Variants in RGS7BP observed in about 807,000 individuals in gnomAD.
RGS7BP encodes regulator of G protein signaling 7-binding protein.
Under a neutral mutation model 31.3 loss-of-function variants are expected in RGS7BP, and 9 were observed. The ratio of observed to expected loss-of-function variants is 0.29; its 90% confidence interval spans 0.17 to 0.50. RGS7BP has a LOEUF of 0.50. RGS7BP is among the 20% of genes least tolerant of loss of function. The pLI is 0.98. For missense variants in RGS7BP, 274 were observed against 322.0 expected, an observed-to-expected ratio of 0.85 and a Z score of 1.14; for synonymous variants, 115 against 120.1, an observed-to-expected ratio of 0.96 and a Z score of 0.28.
At chr5:64,525,489 G>A (rs1018012776) in intron 2 of RGS7BP, among the ~76,000 whole-genome samples, 6 of 152,188 alleles carry the variant, frequency 3.9e-5, no homozygotes, top group Non-Finnish European at 8.8e-5. Flanking sequence ...TTACTGAAAG[G>A]GTGGACCCCA....
At chr5:64,569,702 T>C (rs1742259774) in intron 2 of RGS7BP, among the ~76,000 whole-genome samples, 1 of 152,168 alleles carries the variant, frequency 6.6e-6, no homozygotes, top group Non-Finnish European at 1.5e-5. Flanking sequence ...ACTGAAGCTG[T>C]CACTGAGGTT....
At chr5:64,509,578 T>G (rs1748779074) in intron 2 of RGS7BP, among the ~76,000 whole-genome samples, 1 of 152,062 alleles carries the variant, frequency 6.6e-6, no homozygotes, top group African/African-American at 2.4e-5. Context: ...TTGAGAGGTA[T>G]TATAGCTATG....
chr5:64,605,149 T>C (rs1172975248), intron 5 of RGS7BP, among the ~76,000 whole-genome samples: 1 of 152,124 alleles, frequency 6.6e-6, no homozygotes, highest in Admixed American at 6.6e-5. Context: ...TGCTTCCCTT[T>C]CCACCTTTCA....
intron 2 of RGS7BP, among the ~76,000 whole-genome samples, chr5:64,541,983 TG>T (rs528582036): frequency 2.0e-3 from 307 of 152,352 alleles, no homozygotes; most frequent in Non-Finnish European, 2.1e-3. Context: ...TCTTATTTTT[TG>T]TTCTAGTATA....
chr5:64,550,438 C>T (rs938963302), intron 2 of RGS7BP, among the ~76,000 whole-genome samples: 1 of 152,142 alleles, frequency 6.6e-6, no homozygotes, highest in Non-Finnish European at 1.5e-5. Context: ...ACCCTTATGA[C>T]CTCATCTAAC....
intron 3 of RGS7BP, among the ~76,000 whole-genome samples, chr5:64,584,423 A>G (rs767883689): frequency 6.6e-6 from 1 of 152,234 alleles, no homozygotes; most frequent in Non-Finnish European, 1.5e-5. Context: ...CACGTGATCC[A>G]AAAGGCATAG....
Position 64,506,700 on chromosome 5 carries a change from C to T in RGS7BP, c.76C>T (p.Pro26Ser), listed in dbSNP as rs754877638. The T allele has an allele frequency of 1.8e-5, 29 of 1,613,240 alleles. 1 individual carries two copies. The South Asian group carries it at 2.1e-4, about 12-fold the overall frequency. The change falls in exon 1 of 6, where the codon CCC becomes TCC. Residue 26 changes from proline to serine, a missense_variant. Physicochemically the swap from Pro to Ser is moderately conservative, Grantham distance 74. Around this residue, in one of 3 missense-constraint regions of RGS7BP, gnomAD observed 149 missense variants for 152.6 expected, o/e 0.98. Transcript: ENST00000334025. The surrounding 1 kb of genome is among the most constrained non-coding windows in gnomAD (Gnocchi z 4.6). ...CTCCTCGATCTTCCAGATCAGCAAG[C>T]CCCCGCTGCAGAGCGGAGATTGGGA... ...TRSSIFQISKPPLQSGDWERR... is the reference protein window; with the variant it reads ...TRSSIFQISKSPLQSGDWERR...
intron 2 of RGS7BP, among the ~76,000 whole-genome samples, chr5:64,515,042 C>T (rs531511877): frequency 1.6e-4 from 24 of 152,250 alleles, no homozygotes; most frequent in Non-Finnish European, 2.2e-4. Flanking sequence ...AAAAATTCCC[C>T]GTCACTTTAT....
intron 5 of RGS7BP, among the ~76,000 whole-genome samples, chr5:64,604,209 A>G (rs761682530): frequency 1.6e-4 from 24 of 152,054 alleles, no homozygotes; most frequent in Non-Finnish European, 3.1e-4. Flanking sequence ...CTGAAGGCCT[A>G]TCCCCTGCCA....
At chr5:64,581,032 G>A (rs930877229) in intron 3 of RGS7BP, among the ~76,000 whole-genome samples, 1 of 151,998 alleles carries the variant, frequency 6.6e-6, no homozygotes, top group Non-Finnish European at 1.5e-5. Context: ...TGGGCAACAT[G>A]GTGAGACCCT....
At chr5:64,541,477 T>C (rs1459573420) in intron 2 of RGS7BP, among the ~76,000 whole-genome samples, 1 of 152,218 alleles carries the variant, frequency 6.6e-6, no homozygotes, top group Non-Finnish European at 1.5e-5. Context: ...TCACGTACCC[T>C]GCACAGCAGT....
At chr5:64,507,411 T>C (rs943159945) in intron 1 of RGS7BP, among the ~76,000 whole-genome samples, 5 of 152,148 alleles carry the variant, frequency 3.3e-5, no homozygotes, top group Non-Finnish European at 7.4e-5. Flanking sequence ...GGGAGTGGCA[T>C]GGTAGCGCTC....
chr5:64,591,462 A>G (rs1742914175), intron 3 of RGS7BP, among the ~76,000 whole-genome samples: 1 of 152,188 alleles, frequency 6.6e-6, no homozygotes, highest in Non-Finnish European at 1.5e-5. Flanking sequence ...GCAAAAATTA[A>G]TGTTGATAAT....
At chr5:64,586,500 C>T (rs190727648) in intron 3 of RGS7BP, among the ~76,000 whole-genome samples, 1 of 152,318 alleles carries the variant, frequency 6.6e-6, no homozygotes, top group African/African-American at 2.4e-5. Flanking sequence ...ACTTAGATAA[C>T]TTATGAAGGT....
intron 2 of RGS7BP, among the ~76,000 whole-genome samples, chr5:64,526,799 A>G (rs1038522412): frequency 6.6e-6 from 1 of 152,066 alleles, no homozygotes; most frequent in African/African-American, 2.4e-5. Context: ...ACCAAGCAGG[A>G]GGGGCTCAGA....
At chr5:64,508,877 A>G (rs1355723907) in intron 2 of RGS7BP, among the ~76,000 whole-genome samples, 1 of 152,198 alleles carries the variant, frequency 6.6e-6, no homozygotes, top group Non-Finnish European at 1.5e-5. Context: ...TTTAATTCCA[A>G]TAATATGTAT....
chr5:64,558,408 A>T (rs1039212197), intron 2 of RGS7BP, among the ~76,000 whole-genome samples: 1 of 152,104 alleles, frequency 6.6e-6, no homozygotes, highest in African/African-American at 2.4e-5. Flanking sequence ...AACATAAATT[A>T]TAAAGATTTC....
At chr5:64,543,404 A>G (rs1446161042) in intron 2 of RGS7BP, among the ~76,000 whole-genome samples, 2 of 152,272 alleles carry the variant, frequency 1.3e-5, no homozygotes, top group Non-Finnish European at 2.9e-5. Context: ...GAAACTAAAT[A>G]TGGGAAGGAC....
Position 64,506,857 on chromosome 5 carries a change from T to G in RGS7BP, c.165+68T>G. Reference sequence around the variant, plus strand: ...AGGGGGTGGGGGGAGTCATGTATGTTAATCATTTGCCTGAGTGCCAGCCAC... The same window carrying G: ...AGGGGGTGGGGGGAGTCATGTATGTGAATCATTTGCCTGAGTGCCAGCCAC... On this transcript the variant is annotated intron_variant, in intron 1 of 5. Transcript: ENST00000334025. The surrounding 1 kb of genome is among the most constrained non-coding windows in gnomAD (Gnocchi z 4.6). 8 of 1,421,858 alleles carry G rather than the reference T, an allele frequency of 5.6e-6. No homozygotes were observed. The highest frequency in any genetic ancestry group is 7.6e-6 in the Non-Finnish European group (8 of 1,050,022). The allele number at this position is 1,421,858 out of a possible 1,614,324, so 88.1% of individuals were successfully genotyped here. A position where few individuals can be genotyped will look rare whatever the true frequency, so the allele number is the denominator to read the frequency against.
Sources: allele counts gnomAD v4.1 joint callset (sites outside exome capture counted in the v4.1 genomes callset), GRCh38; gene constraint gnomAD v4.1.1; regional missense constraint gnomAD v4.1.1; non-coding constraint Gnocchi (gnomAD v3.1); transcripts MANE v1.5; gene names NCBI Gene and HGNC (gene_info 2026-07-23, HGNC 2026-07-21).